FANCA: variants seen among roughly 807,000 people sequenced by gnomAD.
FANCA encodes the protein FA complementation group A.
Under a neutral mutation model 194.3 loss-of-function variants are expected in FANCA, and 236 were observed. The observed-to-expected ratio is 1.21, with a 90% CI of 1.09 to 1.35. The LOEUF is 1.35. Ranked by LOEUF, FANCA falls within the 40% of genes most tolerant of loss-of-function variation. The pLI, the probability that FANCA is intolerant of heterozygous loss-of-function variation, is 0.00. For missense variants in FANCA, 2,628 were observed against 1,813.9 expected, an observed-to-expected ratio of 1.45 and a Z score of -8.15; for synonymous variants, 1,014 against 715.8, an observed-to-expected ratio of 1.42 and a Z score of -6.65.
intron 27 of FANCA, among the ~76,000 whole-genome samples, chr16:89,765,776 G>A (rs1266020570): frequency 1.3e-5 from 2 of 152,212 alleles, no homozygotes; most frequent in African/African-American, 4.8e-5. Context: ...TGGGAACCAC[G>A]CTGCCCTCTC....
At chr16:89,769,043 G>A (rs562310419) in intron 26 of FANCA, among the ~76,000 whole-genome samples, 5 of 152,264 alleles carry the variant, frequency 3.3e-5, no homozygotes, top group South Asian at 4.1e-4. Flanking sequence ...TGTGGGATCC[G>A]CACAGCTGCC....
chr16:89,759,122 C>G (rs1371271592), intron 29 of FANCA, among the ~76,000 whole-genome samples: 1 of 151,262 alleles, frequency 6.6e-6, no homozygotes, highest in Non-Finnish European at 1.5e-5. Flanking sequence ...AGATCGAGAC[C>G]ATCCTGGGTA....
At chr16:89,796,240 C>T (rs1009767461) in intron 10 of FANCA, among the ~76,000 whole-genome samples, 14 of 152,078 alleles carry the variant, frequency 9.2e-5, no homozygotes, top group East Asian at 7.7e-4. Flanking sequence ...AGCAGAGAAG[C>T]GAAGGAGCAG....
Position 89,815,940 on chromosome 16 carries a change from T to C in FANCA, c.126A>G (p.Lys42=), listed in dbSNP as rs756432890. Reference sequence around the variant, plus strand: ...GGAGGCGCACAGCTGATTCCTTTAATTTCTGTGCCCTTTCAGGATTATATT... The same window carrying C: ...GGAGGCGCACAGCTGATTCCTTTAACTTCTGTGCCCTTTCAGGATTATATT... The part of the protein sequence containing the change: ...REKYNPERAQ[K]LKESAVRLLR... The change falls in exon 2 of 43, where the codon AAA becomes AAG. Residue 42 remains lysine (K), a synonymous_variant. Transcript: ENST00000389301. The C allele has an allele frequency of 1.2e-6, 2 of 1,614,134 alleles. No homozygotes were observed. Among genetic ancestry groups the C allele is most frequent in the Admixed American group, 1.7e-5 (1 of 60,036 alleles).
At chr16:89,757,751 T>C (rs774211138) in intron 30 of FANCA, among the ~76,000 whole-genome samples, 1 of 152,246 alleles carries the variant, frequency 6.6e-6, no homozygotes, top group Non-Finnish European at 1.5e-5. Context: ...GGAACTGCTC[T>C]GTCCTGAGAA....
At position 89,778,627 on chromosome 16, in the gene FANCA, T is replaced by TAAAAAA. The variant is rs397693835; in HGVS notation, c.1826+168_1826+173dup. The stretch of plus-strand genomic sequence containing the variant: ...CTGGGTGACAGAGTGAGACTCCAAC[T>TAAAAAA]AAAAAAAAAAAAAAAAAAAAAAAAA... On this transcript the variant is annotated intron_variant, in intron 20 of 42. Transcript: ENST00000389301. Among the ~76,000 whole-genome samples the TAAAAAA allele has an allele frequency of 3.7e-4, 11 of 29,932 alleles. 1 individual carries two copies. The highest frequency in any genetic ancestry group is 6.8e-4 in the African/African-American group (5 of 7,310). The allele number at this position is 29,932 out of a possible 152,430, so 19.6% of individuals were successfully genotyped here.
chr16:89,814,692 C>A, intron 2 of FANCA, 79 bp from the exon 3 acceptor site: 1 of 1,053,168 alleles, frequency 9.5e-7, no homozygotes, highest in South Asian at 1.3e-5. Flanking sequence ...CCTGTAATCC[C>A]AGTACTTTGG....
chr16:89,755,339 G>A (rs993766085), intron 30 of FANCA, among the ~76,000 whole-genome samples: 5 of 151,456 alleles, frequency 3.3e-5, no homozygotes, highest in Non-Finnish European at 5.9e-5. Context: ...TCAGCCTCCC[G>A]AGTAGCTGGG....
chr16:89,798,129 G>A (rs2040311097), intron 10 of FANCA, among the ~76,000 whole-genome samples: 1 of 152,078 alleles, frequency 6.6e-6, no homozygotes. Context: ...ATGACTGCCC[G>A]GAGAAGACAC....
In FANCA at chr16:89,810,944, C is replaced by G. The variant is rs1326815793; in HGVS notation, c.411G>C (p.Leu137=). 2.5e-6 allele frequency: 4 copies of G among 1,614,164 alleles called. No homozygotes were observed. The highest frequency in any genetic ancestry group is 4.5e-5 in the East Asian group (2 of 44,896). The change falls in exon 4 of 43, where the codon CTG becomes CTC. Residue 137 remains leucine, a synonymous_variant. Transcript: ENST00000389301. ...APAETSHPVL[L]TVEQRKKLSS... ...GGTGTCTTACTCTCTGCTCCACAGTCAGCAGCACAGGGTGACTGGTCTCCG... is the reference window on the plus strand; with the variant it reads ...GGTGTCTTACTCTCTGCTCCACAGTGAGCAGCACAGGGTGACTGGTCTCCG...
At chr16:89,816,462 G>C in intron 1 of FANCA, 75 bp downstream of exon 1, 4 of 1,319,746 alleles carry the variant, frequency 3.0e-6, no homozygotes, top group Non-Finnish European at 4.0e-6. Flanking sequence ...GCTCTGGCGG[G>C]AAGGGATCGG....
At chr16:89,751,187 C>T (rs1023057569) in intron 31 of FANCA, among the ~76,000 whole-genome samples, 1 of 152,076 alleles carries the variant, frequency 6.6e-6, no homozygotes, top group Non-Finnish European at 1.5e-5. Flanking sequence ...GCCACCGTGC[C>T]TGGCCGGCTG....
intron 36 of FANCA, 106 bp downstream of exon 36, chr16:89,744,853 G>A: frequency 2.0e-6 from 2 of 1,018,266 alleles, no homozygotes; most frequent in Non-Finnish European, 3.0e-6. Flanking sequence ...ACGAGAGGCT[G>A]CCCACACCGC....
chr16:89,787,695 C>A (rs1258264615), intron 14 of FANCA, among the ~76,000 whole-genome samples: 1 of 151,780 alleles, frequency 6.6e-6, no homozygotes, highest in African/African-American at 2.4e-5. Flanking sequence ...ATGATCACAC[C>A]ACCACATCCC....
chr16:89,799,941 C>A (rs1489319925), intron 8 of FANCA, among the ~76,000 whole-genome samples: 1 of 152,204 alleles, frequency 6.6e-6, no homozygotes, highest in Admixed American at 6.5e-5. Context: ...TTCCAGTGAG[C>A]TGAGATAGTG....
intron 26 of FANCA, among the ~76,000 whole-genome samples, chr16:89,768,885 A>T (rs539133088): frequency 6.6e-6 from 1 of 150,654 alleles, no homozygotes; most frequent in Non-Finnish European, 1.5e-5. Context: ...CAACTTCTCC[A>T]TTGGCTGTGT....
At chr16:89,762,229 T>C (rs903316314) in intron 28 of FANCA, among the ~76,000 whole-genome samples, 4 of 152,334 alleles carry the variant, frequency 2.6e-5, no homozygotes, top group African/African-American at 9.6e-5. Flanking sequence ...ACAAAGATGT[T>C]AGTACTGTAA....
At chr16:89,804,589 C>A (rs975250226) in intron 7 of FANCA, among the ~76,000 whole-genome samples, 1 of 152,178 alleles carries the variant, frequency 6.6e-6, no homozygotes, top group Non-Finnish European at 1.5e-5. Flanking sequence ...CCCAACTACT[C>A]CTCAAGCTGG....
At chr16:89,816,050 C>A (rs745842376) in intron 1 of FANCA, 64 bp from the exon 2 acceptor site, 1 of 1,270,308 alleles carries the variant, frequency 7.9e-7, no homozygotes, top group South Asian at 1.2e-5. Context: ...CCCGGCCCGA[C>A]GCGCAGGTGG....
Sources: gnomAD v4.1 joint callset for allele counts (sites outside exome capture counted in the v4.1 genomes callset) on GRCh38, gnomAD v4.1.1 for gene constraint, MANE v1.5 for transcripts, NCBI Gene and HGNC (gene_info 2026-07-23, HGNC 2026-07-21) for gene names.